The following RBFOX1 variants were observed in gnomAD, a reference collection of about 807,000 sequenced individuals.
RBFOX1 encodes the protein RNA binding protein fox-1 homolog 1.
In RBFOX1, 8 loss-of-function variants were observed where a neutral mutation model predicts 57.7. That is an observed-to-expected ratio of 0.14 (90% CI 0.08 to 0.25). RBFOX1 has a LOEUF of 0.25. Among genes scored for constraint, RBFOX1 ranks in the 10% least tolerant of loss-of-function variants. The pLI, the probability that RBFOX1 is intolerant of heterozygous loss-of-function variation, is 1.00. For synonymous variants in RBFOX1, 326 were observed against 222.4 expected (o/e 1.47, Z -4.15); for missense variants, 611 against 548.5 (o/e 1.11, Z -1.14).
chr16:6,384,590 C>T (rs558909960), intron 2 of RBFOX1, among the ~76,000 whole-genome samples: 1 of 152,250 alleles, frequency 6.6e-6, no homozygotes, highest in South Asian at 2.1e-4. Context: ...TGAGGGTAAA[C>T]AGGGCTTTGG....
intron 2 of RBFOX1, among the ~76,000 whole-genome samples, chr16:6,457,275 G>A (rs556556739): frequency 2.2e-4 from 33 of 152,208 alleles, no homozygotes; most frequent in Non-Finnish European, 4.1e-4. Flanking sequence ...GGAAAACTAC[G>A]TATTACAGAG....
At chr16:7,285,106 A>G (rs138185349) in intron 4 of RBFOX1, among the ~76,000 whole-genome samples, 2,977 of 22,090 alleles carry the variant, frequency 0.13, 108 homozygotes, top group East Asian at 0.3. Flanking sequence ...TTTTTTTTTT[A>G]GCAACCTGTT....
intron 4 of RBFOX1, among the ~76,000 whole-genome samples, chr16:5,881,793 G>T (rs2057770632): frequency 6.6e-6 from 1 of 152,204 alleles, no homozygotes; most frequent in Admixed American, 6.5e-5. Context: ...AATTCTGCTA[G>T]ATTCTAGTGT....
chr16:7,338,814 T>C (rs963142935), intron 4 of RBFOX1, among the ~76,000 whole-genome samples: 1 of 152,196 alleles, frequency 6.6e-6, no homozygotes, highest in Non-Finnish European at 1.5e-5. Flanking sequence ...AAGTTTCTGG[T>C]TGAACTTGAA....
chr16:6,861,082 T>C (rs1394381390), intron 3 of RBFOX1, among the ~76,000 whole-genome samples: 1 of 152,146 alleles, frequency 6.6e-6, no homozygotes, highest in African/African-American at 2.4e-5. Context: ...GATTCCATTA[T>C]ATTTGTTATA....
intron 1 of RBFOX1, among the ~76,000 whole-genome samples, chr16:5,463,725 A>C (rs1052586182): frequency 6.6e-5 from 10 of 151,532 alleles, no homozygotes; most frequent in Non-Finnish European, 1.5e-4. Context: ...GCTTGAACCC[A>C]GGAGATGGAG....
At chr16:7,595,108 G>C (rs1019249009) in intron 7 of RBFOX1, among the ~76,000 whole-genome samples, 1 of 152,074 alleles carries the variant, frequency 6.6e-6, no homozygotes, top group African/African-American at 2.4e-5. Flanking sequence ...CAATGTTAGA[G>C]GATTTTGGCA....
chr16:7,675,852 C>G (rs747409869), intron 13 of RBFOX1, among the ~76,000 whole-genome samples: 1 of 152,170 alleles, frequency 6.6e-6, no homozygotes, highest in Non-Finnish European at 1.5e-5. Context: ...TCAGCGGACA[C>G]TGGATCCTGT....
chr16:6,764,313 A>G (rs1464220208), intron 3 of RBFOX1, among the ~76,000 whole-genome samples: 3 of 152,210 alleles, frequency 2.0e-5, no homozygotes, highest in Non-Finnish European at 2.9e-5. Flanking sequence ...AAGCTCAGCA[A>G]TTTTGAAAAT....
At chr16:6,148,363 C>A (rs189616808) in intron 1 of RBFOX1, among the ~76,000 whole-genome samples, 1 of 152,254 alleles carries the variant, frequency 6.6e-6, no homozygotes, top group Non-Finnish European at 1.5e-5. Context: ...ATGTGCTGGT[C>A]ATACTTCCTT....
intron 3 of RBFOX1, among the ~76,000 whole-genome samples, chr16:5,768,992 C>T (rs1352514681): frequency 2.0e-5 from 3 of 151,792 alleles, no homozygotes; most frequent in Admixed American, 6.6e-5. Flanking sequence ...ATGGGGCTGC[C>T]TGGAGCACCA....
intron 4 of RBFOX1, among the ~76,000 whole-genome samples, chr16:7,352,641 C>G (rs1603627006): frequency 6.6e-6 from 1 of 152,128 alleles, no homozygotes; most frequent in Non-Finnish European, 1.5e-5. Flanking sequence ...TAGAAAGAAT[C>G]CTGGTGCAGG....
chr16:7,004,885 C>A (rs1016902155), intron 3 of RBFOX1, among the ~76,000 whole-genome samples: 1 of 152,138 alleles, frequency 6.6e-6, no homozygotes, highest in Non-Finnish European at 1.5e-5. Flanking sequence ...TGAGGTGACT[C>A]ACACCTGTAA....
intron 1 of RBFOX1, among the ~76,000 whole-genome samples, chr16:6,154,218 A>G (rs1366903002): frequency 6.6e-6 from 1 of 152,236 alleles, no homozygotes; most frequent in Non-Finnish European, 1.5e-5. Flanking sequence ...TAACTGTCAC[A>G]TTACTTGCCT....
chr16:6,301,994 G>A (rs1207387547), intron 1 of RBFOX1, among the ~76,000 whole-genome samples: 1 of 152,020 alleles, frequency 6.6e-6, no homozygotes, highest in African/African-American at 2.4e-5. Context: ...CAGAAACCGA[G>A]CTTTGTTTAC....
chr16:7,290,088 A>C lies in RBFOX1; in HGVS notation c.28-228059A>C, dbSNP rs1352281086. Among the ~76,000 whole-genome samples the C allele has an allele frequency of 2.6e-5, 4 of 152,224 alleles. No homozygotes were observed. In the East Asian group the frequency reaches 7.7e-4, roughly 29 times the overall value. On this transcript the variant is annotated intron_variant, in intron 4 of 15. Coordinates refer to ENST00000550418, the MANE Select transcript of RBFOX1 (RefSeq NM_018723.4). ...CACTGTTTCTCAGATACCTACGTAC[A>C]TTTACACCGGTAGAAACCATTTTAG...
At chr16:6,194,349 A>C (rs962545978) in intron 1 of RBFOX1, among the ~76,000 whole-genome samples, 3 of 151,904 alleles carry the variant, frequency 2.0e-5, no homozygotes, top group African/African-American at 4.8e-5. Flanking sequence ...TTCCCCTTCA[A>C]ATCCCTCATG....
intron 4 of RBFOX1, among the ~76,000 whole-genome samples, chr16:5,918,114 G>A (rs1479147922): frequency 6.6e-6 from 1 of 152,018 alleles, no homozygotes; most frequent in Non-Finnish European, 1.5e-5. Context: ...GCAGTTTTAC[G>A]TTTATTTTTA....
chr16:6,929,720 CATTT>C (rs907890985), intron 3 of RBFOX1, among the ~76,000 whole-genome samples: 35 of 151,924 alleles, frequency 2.3e-4, no homozygotes, highest in African/African-American at 7.3e-4. Context: ...TTTTTTAACA[CATTT>C]ATTATTTATG....
Sources: gnomAD v4.1 joint callset for allele counts (sites outside exome capture counted in the v4.1 genomes callset) on GRCh38, gnomAD v4.1.1 for gene constraint, MANE v1.5 for transcripts, NCBI Gene and HGNC (gene_info 2026-07-23, HGNC 2026-07-21) for gene names.